The following KIAA1549L variants were observed in gnomAD, a reference collection of about 807,000 sequenced individuals.
KIAA1549L encodes the protein KIAA1549 like.
Under a neutral mutation model 160.7 loss-of-function variants are expected in KIAA1549L, and 88 were observed. The observed-to-expected ratio is 0.55, with a 90% CI of 0.46 to 0.65. The LOEUF (loss-of-function observed/expected upper bound fraction) is 0.65. Among genes scored for constraint, KIAA1549L ranks in the 30% least tolerant of loss-of-function variants. KIAA1549L has a pLI of 0.00. For synonymous variants in KIAA1549L, 950 were observed against 976.7 expected, an observed-to-expected ratio of 0.97 and a Z score of 0.51; for missense variants, 2,258 against 2,437.5, an observed-to-expected ratio of 0.93 and a Z score of 1.55.
intron 14 of KIAA1549L, among the ~76,000 whole-genome samples, chr11:33,607,088 C>T (rs1410693687): frequency 6.6e-6 from 1 of 152,144 alleles, no homozygotes; most frequent in Non-Finnish European, 1.5e-5. Context: ...TGAAGAGAAG[C>T]ATCAGGCGTC....
chr11:33,437,863 C>T (rs776660253), intron 1 of KIAA1549L, among the ~76,000 whole-genome samples: 2 of 152,134 alleles, frequency 1.3e-5, no homozygotes, highest in Admixed American at 6.5e-5. Flanking sequence ...TGGAGAAGCA[C>T]CTGTTCCTCA....
intron 1 of KIAA1549L, among the ~76,000 whole-genome samples, chr11:33,406,407 A>C (rs1027296406): frequency 1.4e-4 from 22 of 152,344 alleles, no homozygotes; most frequent in African/African-American, 5.3e-4. Flanking sequence ...ACCAGTGTGC[A>C]TGTGCAGGGG....
chr11:33,627,753 T>A (rs1037996669), intron 16 of KIAA1549L, among the ~76,000 whole-genome samples: 13 of 152,126 alleles, frequency 8.5e-5, no homozygotes, highest in Non-Finnish European at 1.6e-4. Context: ...GATTCATTAA[T>A]TTTTTGAAGG....
chr11:33,613,547 G>A (rs1193777604), intron 15 of KIAA1549L, among the ~76,000 whole-genome samples: 1 of 152,184 alleles, frequency 6.6e-6, no homozygotes, highest in African/African-American at 2.4e-5. Context: ...AAGCAAAAGA[G>A]ATCTGGGGCA....
intron 1 of KIAA1549L, among the ~76,000 whole-genome samples, chr11:33,404,124 T>A (rs981396863): frequency 3.3e-5 from 5 of 152,214 alleles, no homozygotes; most frequent in African/African-American, 1.2e-4. Flanking sequence ...ATTTGCAGAA[T>A]CTCAGGGAGG....
rs377094717 is a variant in KIAA1549L, at chr11:33,382,743, T to C, written c.238+5854T>C. On this transcript the variant is annotated intron_variant, in intron 1 of 20. Transcript: ENST00000658780. ...CAAATCTTGCCTCCCATCTCATCCTTCCCATCCCCACAAAGTAAAGAAAAT... is the reference window on the plus strand; with the variant it reads ...CAAATCTTGCCTCCCATCTCATCCTCCCCATCCCCACAAAGTAAAGAAAAT... Among the ~76,000 whole-genome samples the C allele has an allele frequency of 2.6e-5, 4 of 152,208 alleles. No individual in the cohort carries two copies. In the East Asian group the frequency reaches 7.7e-4, roughly 29 times the overall value.
intron 1 of KIAA1549L, among the ~76,000 whole-genome samples, chr11:33,412,561 T>C (rs537632003): frequency 4.6e-5 from 7 of 152,190 alleles, no homozygotes; most frequent in Non-Finnish European, 8.8e-5. Context: ...TACACAGTGA[T>C]AGCATAGTAG....
chr11:33,377,932 C>G (rs1849989751), intron 1 of KIAA1549L, among the ~76,000 whole-genome samples: 1 of 152,198 alleles, frequency 6.6e-6, no homozygotes, highest in African/African-American at 2.4e-5. Context: ...CTTAAAGAGT[C>G]ACTGACAGGT....
At chr11:33,515,079 A>G (rs1013608) in intron 1 of KIAA1549L, among the ~76,000 whole-genome samples, 65,278 of 151,984 alleles carry the variant, frequency 0.43, 14,146 homozygotes, top group Middle Eastern at 0.56. Flanking sequence ...TTGGAAACCA[A>G]GTAGGATTCA....
At chr11:33,630,877 C>T (rs1851267008) in intron 16 of KIAA1549L, among the ~76,000 whole-genome samples, 2 of 152,204 alleles carry the variant, frequency 1.3e-5, no homozygotes, top group South Asian at 2.1e-4. Context: ...TTAGCATTAG[C>T]ATCTAAGCTT....
intron 16 of KIAA1549L, among the ~76,000 whole-genome samples, chr11:33,619,193 A>T (rs938110790): frequency 6.6e-6 from 1 of 152,134 alleles, no homozygotes; most frequent in Admixed American, 6.5e-5. Context: ...ATCCCGTCAG[A>T]TTTCCCCAGA....
At chr11:33,392,760 A>C (rs1850295156) in intron 1 of KIAA1549L, among the ~76,000 whole-genome samples, 1 of 152,204 alleles carries the variant, frequency 6.6e-6, no homozygotes, top group South Asian at 2.1e-4. Context: ...CAAAAGATAA[A>C]AGTGAGTATC....
chr11:33,623,763 A>G (rs1851021874), intron 16 of KIAA1549L, among the ~76,000 whole-genome samples: 1 of 152,150 alleles, frequency 6.6e-6, no homozygotes, highest in Non-Finnish European at 1.5e-5. Context: ...AGCATGGCCT[A>G]GTGACCTCCT....
chr11:33,649,281 G>A (rs775089845), intron 17 of KIAA1549L, among the ~76,000 whole-genome samples: 3 of 147,972 alleles, frequency 2.0e-5, no homozygotes, highest in African/African-American at 7.6e-5. Flanking sequence ...TGGGAGGCTC[G>A]CTTGAGACCA....
intron 20 of KIAA1549L, among the ~76,000 whole-genome samples, chr11:33,662,452 T>C (rs1852298240): frequency 6.6e-6 from 1 of 152,234 alleles, no homozygotes; most frequent in African/African-American, 2.4e-5. Context: ...ATGTGGGACT[T>C]TACGGCATCT....
chr11:33,645,749 A>C lies in KIAA1549L; in HGVS notation c.5473A>C (p.Arg1825=), dbSNP rs752213818. 6.2e-7 allele frequency: 1 copy of C among 1,613,850 alleles called. No homozygotes were observed. The highest frequency in any genetic ancestry group is 2.2e-5 in the East Asian group (1 of 44,900). Residue 1825 remains arginine (R), a synonymous_variant, in exon 17 of 21, where the codon AGG becomes CGG. Transcript: ENST00000658780. ...DRVPEPRGYS[R]SRQVKGHSET... ...AGTTCCTGAGCCCCGGGGCTATTCC[A>C]GGTCTCGACAGGTGAAAGGCCACTC...
intron 10 of KIAA1549L, among the ~76,000 whole-genome samples, chr11:33,580,061 ATGCAG>A (rs1477175206): frequency 6.6e-6 from 1 of 152,174 alleles, no homozygotes; most frequent in Non-Finnish European, 1.5e-5. Context: ...AGACTGGAGC[ATGCAG>A]TGCCCACGTG....
chr11:33,471,790 C>T (rs1267039270), intron 1 of KIAA1549L, among the ~76,000 whole-genome samples: 1 of 152,204 alleles, frequency 6.6e-6, no homozygotes, highest in African/African-American at 2.4e-5. Flanking sequence ...GCAGATCTGG[C>T]ATGGACTCTG....
chr11:33,469,404 C>T (rs192466573), intron 1 of KIAA1549L, among the ~76,000 whole-genome samples: 53 of 151,926 alleles, frequency 3.5e-4, no homozygotes, highest in African/African-American at 1.2e-3. Flanking sequence ...TATAATGTGT[C>T]ATCTTGTTTA....
Sources: allele counts gnomAD v4.1 joint callset (sites outside exome capture counted in the v4.1 genomes callset), GRCh38; gene constraint gnomAD v4.1.1; transcripts MANE v1.5; gene names NCBI Gene and HGNC (gene_info 2026-07-23, HGNC 2026-07-21).